GPR89B: variants seen among roughly 807,000 people sequenced by gnomAD.
The protein encoded by GPR89B is golgi pH regulator B.
In GPR89B, 25 loss-of-function variants were observed where a neutral mutation model predicts 52.4. The observed-to-expected ratio is 0.48, with a 90% CI of 0.35 to 0.67. The LOEUF (loss-of-function observed/expected upper bound fraction) is 0.67, where lower values mean the gene tolerates loss of function less well. Among genes scored for constraint, GPR89B ranks in the 30% least tolerant of loss-of-function variants. The pLI is 0.01. For missense variants in GPR89B, 146 were observed against 450.2 expected (o/e 0.32, Z 6.11); for synonymous variants, 52 against 151.2 (o/e 0.34, Z 4.81).
the GPR89B span, among the ~76,000 whole-genome samples, chr1:148,008,708 G>T: frequency 4.6e-5 from 7 of 152,124 alleles, no homozygotes; most frequent in African/African-American, 1.7e-4. Context: ...ACTTCCTGAT[G>T]GTCAGGGTTT....
At chr1:147,979,626 A>G (rs879954975) in intron 10 of GPR89B, among the ~76,000 whole-genome samples, 3 of 152,020 alleles carry the variant, frequency 2.0e-5, no homozygotes, top group Non-Finnish European at 4.4e-5. Flanking sequence ...CTTTTACTGC[A>G]TCTATTGAGA....
intron 8 of GPR89B, chr1:147,968,466 TA>T (rs1469392627): frequency 2.4e-6 from 1 of 421,954 alleles, no homozygotes; most frequent in East Asian, 7.0e-5. Context: ...TAGAACACAG[TA>T]AAGTATTAGT....
chr1:147,949,237 G>A (rs1487175072), intron 5 of GPR89B, among the ~76,000 whole-genome samples: 4 of 151,618 alleles, frequency 2.6e-5, no homozygotes, highest in East Asian at 1.9e-4. Context: ...CCACAAAACC[G>A]CCATTGTCAT....
At chr1:147,952,731 G>A (rs2149058156) in intron 5 of GPR89B, among the ~76,000 whole-genome samples, 1 of 151,898 alleles carries the variant, frequency 6.6e-6, no homozygotes, top group East Asian at 1.9e-4. Flanking sequence ...TAACTGCTAA[G>A]TTGATTTTCA....
chr1:147,986,021 A>G (rs1658638740), intron 10 of GPR89B, among the ~76,000 whole-genome samples, 178 bp from the exon 11 acceptor site: 1 of 152,260 alleles, frequency 6.6e-6, no homozygotes, highest in African/African-American at 2.4e-5. Context: ...TTGTTTGCCT[A>G]TATATGAGTA....
At chr1:147,947,446 A>G (rs1655080882) in intron 5 of GPR89B, among the ~76,000 whole-genome samples, 1 of 152,006 alleles carries the variant, frequency 6.6e-6, no homozygotes, top group Admixed American at 6.6e-5. Context: ...CTTAGTGGGA[A>G]AGAGTAAGAG....
intron 10 of GPR89B, among the ~76,000 whole-genome samples, chr1:147,976,961 G>A (rs1428112697): frequency 7.9e-5 from 12 of 151,758 alleles, no homozygotes; most frequent in African/African-American, 1.2e-4. Flanking sequence ...TGAGCTGGGC[G>A]TGGTGGCTCA....
At chr1:147,934,898 A>T (rs1256315377) in intron 1 of GPR89B, among the ~76,000 whole-genome samples, 3 of 152,138 alleles carry the variant, frequency 2.0e-5, no homozygotes, top group Non-Finnish European at 4.4e-5. Context: ...AGAATAAACC[A>T]TCTTTTATGT....
intron 3 of GPR89B, among the ~76,000 whole-genome samples, chr1:147,939,727 G>T (rs1654382969): frequency 6.6e-6 from 1 of 152,206 alleles, no homozygotes; most frequent in South Asian, 2.1e-4. Flanking sequence ...GCCAGACATA[G>T]TGGCTCACGC....
chr1:147,995,782 C>T, downstream of GPR89B: 4 of 1,593,666 alleles, frequency 2.5e-6, no homozygotes, highest in Admixed American at 5.0e-5. Context: ...GGATTCTATC[C>T]ACCACCTTCT....
At chr1:147,934,170 G>A (rs1390570411) in intron 1 of GPR89B, among the ~76,000 whole-genome samples, 1 of 150,432 alleles carries the variant, frequency 6.6e-6, no homozygotes, top group Non-Finnish European at 1.5e-5. Context: ...TACCTGATTC[G>A]TTTTTTGTTT....
At position 147,983,229 on chromosome 1, in the gene GPR89B, AACCTAGGCGTT is replaced by A. The variant is rs1418961981; in HGVS notation, c.910-2966_910-2956del. 4.0e-3 allele frequency among the ~76,000 whole-genome samples: 611 copies of A among 152,298 alleles called. 4 individuals are homozygous for A. The highest frequency in any genetic ancestry group is 0.014 in the African/African-American group (575 of 41,542). On this transcript the variant is annotated intron_variant, in intron 10 of 13. Transcript: ENST00000314163. ...TAAAACCATAAAAACCCTAGAAGAA[AACCTAGGCGTT>A]ACCATTCAGGACATAGGCATGGGCA...
chr1:148,015,293 A>ATTTCTC, the GPR89B span, among the ~76,000 whole-genome samples: 1 of 69,860 alleles, frequency 1.4e-5, no homozygotes. Context: ...GGATTCTAGG[A>ATTTCTC]TCTCTCTCTC....
chr1:147,986,285 C>G lies in GPR89B; in HGVS notation c.996C>G (p.Ile332Met). The G allele has an allele frequency of 1.2e-6, 2 of 1,611,130 alleles. No homozygotes were observed. The highest frequency in any genetic ancestry group is 1.7e-6 in the Non-Finnish European group (2 of 1,179,360). ...GIEITVNYLG[I>M]QFDVKFWSQH... ...AGATCACTGTGAATTATCTGGGAAT[C>G]CAATTTGATGTAAGTGTTATATCAA... Residue 332 changes from isoleucine (I) to methionine (M), a missense_variant, in exon 11 of 14, where the codon ATC becomes ATG. Transcript: ENST00000314163.
the GPR89B span, among the ~76,000 whole-genome samples, chr1:147,998,891 A>AT: frequency 2.6e-5 from 4 of 151,634 alleles, no homozygotes; most frequent in African/African-American, 9.7e-5. Flanking sequence ...AAAAAAAAAA[A>AT]AAAAAAAAAA....
At chr1:147,973,240 T>A (rs1657602114) in intron 10 of GPR89B, among the ~76,000 whole-genome samples, 1 of 151,778 alleles carries the variant, frequency 6.6e-6, no homozygotes, top group Non-Finnish European at 1.5e-5. Flanking sequence ...CACCACACTG[T>A]CTTCCACAAT....
At chr1:148,022,368 T>A in the GPR89B span, among the ~76,000 whole-genome samples, 1 of 151,404 alleles carries the variant, frequency 6.6e-6, no homozygotes, top group Non-Finnish European at 1.5e-5. Context: ...TATAGTTTCT[T>A]CCTTAAGTGT....
At chr1:147,970,625 C>G (rs1484298319) in intron 10 of GPR89B, among the ~76,000 whole-genome samples, 2 of 149,522 alleles carry the variant, frequency 1.3e-5, no homozygotes, top group East Asian at 3.9e-4. Context: ...TCTGTGTTAC[C>G]CATGAGTACA....
chr1:148,006,332 G>A, the GPR89B span, among the ~76,000 whole-genome samples: 5 of 152,048 alleles, frequency 3.3e-5, no homozygotes, highest in South Asian at 2.1e-4. Context: ...ATTAGCCATC[G>A]TATGCTGCGG....
Sources: gnomAD v4.1 joint callset for allele counts (sites outside exome capture counted in the v4.1 genomes callset) on GRCh38, gnomAD v4.1.1 for gene constraint, MANE v1.5 for transcripts, NCBI Gene and HGNC (gene_info 2026-07-23, HGNC 2026-07-21) for gene names.